The following AGAP1 variants were observed in gnomAD, a reference collection of about 807,000 sequenced individuals.
The protein encoded by AGAP1 is arf-GAP with GTPase, ANK repeat and PH domain-containing protein 1.
AGAP1 carries 29 observed loss-of-function variants against 105.3 expected under a neutral mutation model. The ratio of observed to expected loss-of-function variants is 0.28; its 90% CI spans 0.21 to 0.38. The LOEUF (loss-of-function observed/expected upper bound fraction) is 0.38, where lower values mean the gene tolerates loss of function less well. Ranked by LOEUF, AGAP1 falls within the 10% of genes least tolerant of loss-of-function variation. The pLI, the probability that AGAP1 is intolerant of heterozygous loss-of-function variation, is 1.00. For missense variants in AGAP1, 998 were observed against 1,165.1 expected (o/e 0.86, Z 2.09); for synonymous variants, 509 against 485.9 (o/e 1.05, Z -0.63).
chr2:236,044,817 G>A lies in AGAP1; in HGVS notation c.1891+3976G>A, dbSNP rs759653765. Among the ~76,000 whole-genome samples the A allele has an allele frequency of 4.7e-4, 72 of 152,202 alleles. No individual in the cohort carries two copies. The highest frequency in any genetic ancestry group is 6.8e-3 in the Middle Eastern group (2 of 292). On this transcript the variant is annotated intron_variant, in intron 15 of 17. Coordinates refer to ENST00000304032, the MANE Select transcript of AGAP1 (RefSeq NM_001037131.3). The surrounding 1 kb of genome is among the most constrained non-coding windows in gnomAD (Gnocchi z 5.7). The stretch of plus-strand genomic sequence containing the variant: ...CCTACTCCCTGCTGTTCTGCCCTGG[G>A]GGCTTCCTGGCTCTGGTGTATCCTA...
chr2:235,589,816 G>A (rs1945269239), intron 1 of AGAP1, among the ~76,000 whole-genome samples: 1 of 150,672 alleles, frequency 6.6e-6, no homozygotes. Context: ...AGAATTCAGA[G>A]CATCTAGAGA....
rs1307440222 is a variant in AGAP1, at chr2:235,623,806, T to G, written c.164-85373T>G. Among the ~76,000 whole-genome samples, 3 of 152,232 alleles carry G rather than the reference T, an allele frequency of 2.0e-5. No individual in the cohort carries two copies. Among genetic ancestry groups the G allele is most frequent in the Admixed American group, 6.5e-5 (1 of 15,288 alleles). On this transcript the variant is annotated intron_variant, in intron 1 of 17. Coordinates refer to ENST00000304032, the MANE Select transcript of AGAP1 (RefSeq NM_001037131.3). The surrounding 1 kb of genome is among the most constrained non-coding windows in gnomAD (Gnocchi z 4.5). ...TGAGTATTGTAGTTTTTTTCAATAT[T>G]TATGGAATGCTTAGTATTTGTAATG...
intron 13 of AGAP1, among the ~76,000 whole-genome samples, chr2:236,034,602 C>A (rs563014235): frequency 3.5e-4 from 53 of 152,254 alleles, no homozygotes; most frequent in African/African-American, 1.1e-3. Flanking sequence ...CAAAGGACAC[C>A]CCCATACCGT....
At chr2:235,606,947 A>G (rs1047993196) in intron 1 of AGAP1, among the ~76,000 whole-genome samples, 13 of 66,696 alleles carry the variant, frequency 1.9e-4, no homozygotes, top group African/African-American at 3.7e-4. Context: ...TGCCTCTTGA[A>G]AAAAAAAAAA....
At chr2:235,643,431 CAAAAAAAAAAAAAAAAAAAA>C (rs56146940) in intron 1 of AGAP1, among the ~76,000 whole-genome samples, 1 of 61,404 alleles carries the variant, frequency 1.6e-5, no homozygotes, top group Non-Finnish European at 2.8e-5. Context: ...GACTGGGTCT[CAAAAAAAAAAAAAAAAAAAA>C]AAAAAAAAAG....
rs1950206089 is a variant in AGAP1 at position 235,700,751 on chromosome 2, G to C, written c.164-8428G>C. ...GGAGGCATAGGTTGCAGTGAGCCAA[G>C]ATTGTGCCACTGCACTCCAGGCTGG... On this transcript the variant is annotated intron_variant, in intron 1 of 17. Transcript: ENST00000304032. This position sits in a 1 kb window ranked among gnomAD's most constrained non-coding sequence, Gnocchi z 6.1. 1.3e-5 allele frequency among the ~76,000 whole-genome samples: 2 copies of C among 151,808 alleles called. No homozygotes were observed. The highest frequency in any genetic ancestry group is 2.4e-5 in the African/African-American group (1 of 41,330).
rs949208302 is a variant in AGAP1 at position 236,082,893 on chromosome 2, C to T, written c.2114+33612C>T. Among the ~76,000 whole-genome samples the T allele has an allele frequency of 5.3e-5, 8 of 151,788 alleles. No homozygotes were observed. Among genetic ancestry groups the T allele is most frequent in the Non-Finnish European group, 1.0e-4 (7 of 67,980 alleles). Reference sequence around the variant, plus strand: ...TCCATCAGCCGGGCACAATGGCTCACGCCTGTAATCCCAGCACTCTGGGAG... The same window carrying T: ...TCCATCAGCCGGGCACAATGGCTCATGCCTGTAATCCCAGCACTCTGGGAG... On this transcript the variant is annotated intron_variant, in intron 16 of 17. Coordinates refer to ENST00000304032, the MANE Select transcript of AGAP1 (RefSeq NM_001037131.3). The surrounding 1 kb of genome is among the most constrained non-coding windows in gnomAD (Gnocchi z 4.2).
At position 235,807,149 on chromosome 2, in the gene AGAP1, T is replaced by TAAA. The variant is rs1434010586; in HGVS notation, c.958-90_958-89insAAA. 3.1e-6 allele frequency: 4 copies of TAAA among 1,304,662 alleles called. No individual in the cohort carries two copies. In the African/African-American group the frequency reaches 6.0e-5, roughly 20 times the overall value. The allele number at this position is 1,304,662 out of a possible 1,614,324, so 80.8% of individuals were successfully genotyped here. ...ATAGATCGCGCATGTTTTCTAAATG[T>TAAA]GTATTGGCAGGAATTCTGCAAACAG... is the stretch of plus-strand genomic sequence containing the variant. On this transcript the variant is annotated intron_variant, in intron 8 of 17. Coordinates refer to ENST00000304032, the MANE Select transcript of AGAP1 (RefSeq NM_001037131.3).
chr2:235,738,012 C>T (rs1326798283), intron 3 of AGAP1, among the ~76,000 whole-genome samples: 3 of 151,894 alleles, frequency 2.0e-5, no homozygotes, highest in Non-Finnish European at 2.9e-5. Flanking sequence ...ACTCAGCGTC[C>T]GGAGGGCACA....
intron 9 of AGAP1, among the ~76,000 whole-genome samples, chr2:235,870,441 A>G (rs371976200): frequency 6.6e-5 from 10 of 152,284 alleles, no homozygotes; most frequent in African/African-American, 2.4e-4. Context: ...AGCCTAGCCA[A>G]CATGGCGAAA....
chr2:235,851,454 G>A (rs2048450983), intron 9 of AGAP1, among the ~76,000 whole-genome samples: 1 of 152,240 alleles, frequency 6.6e-6, no homozygotes, highest in Admixed American at 6.5e-5. Flanking sequence ...AACGCACCAT[G>A]TGCCGCAGGC....
Position 235,623,258 on chromosome 2 carries a change from CTGCT to C in AGAP1, c.164-85918_164-85915del, listed in dbSNP as rs1946541812. ...TTATGCGTGTTCTGCAGGCTGACCT[CTGCT>C]TGTTGATCGTATTACAGCATGTTGG... is the stretch of plus-strand genomic sequence containing the variant. On this transcript the variant is annotated intron_variant, in intron 1 of 17. Transcript: ENST00000304032. This position sits in a 1 kb window ranked among gnomAD's most constrained non-coding sequence, Gnocchi z 4.5. Among the ~76,000 whole-genome samples the C allele has an allele frequency of 6.6e-6, 1 of 152,220 alleles. No individual in the cohort carries two copies. Among genetic ancestry groups the C allele is most frequent in the Non-Finnish European group, 1.5e-5 (1 of 68,048 alleles).
rs1194167421 is a variant in AGAP1 at position 235,655,195 on chromosome 2, A to G, written c.164-53984A>G. Among the ~76,000 whole-genome samples the G allele has an allele frequency of 6.6e-6, 1 of 152,170 alleles. No individual in the cohort carries two copies. The highest frequency in any genetic ancestry group is 1.5e-5 in the Non-Finnish European group (1 of 68,040). On this transcript the variant is annotated intron_variant, in intron 1 of 17. Transcript: ENST00000304032. This position sits in a 1 kb window ranked among gnomAD's most constrained non-coding sequence, Gnocchi z 4.3. ...TCATGCTGGAATTGAACATGGAATT[A>G]ATTAAATGTACAGAAGCTGGAAGGT... is the stretch of plus-strand genomic sequence containing the variant.
intron 1 of AGAP1, chr2:235,670,490 C>A (rs1328246682): frequency 2.0e-6 from 1 of 507,684 alleles, no homozygotes. Flanking sequence ...GGAGGAGGGA[C>A]GCGGCTCGCC....
At chr2:235,604,670 C>A (rs1396827813) in intron 1 of AGAP1, among the ~76,000 whole-genome samples, 2 of 144,902 alleles carry the variant, frequency 1.4e-5, no homozygotes, top group Non-Finnish European at 3.0e-5. Flanking sequence ...GCAAGCTCCA[C>A]CTCCCAGGTT....
intron 9 of AGAP1, among the ~76,000 whole-genome samples, chr2:235,870,415 T>C (rs2049379977): frequency 6.6e-6 from 1 of 152,066 alleles, no homozygotes; most frequent in African/African-American, 2.4e-5. Flanking sequence ...TCACCTCAGG[T>C]CAGGAGTTCA....
rs975574067 is a variant in AGAP1 at position 235,961,838 on chromosome 2, C to T, written c.1484-6624C>T. ...GAGCCGAGATCACGCCACTGCACTA[C>T]AGCCTGGTGACAGAGCAAGACTTCG... is the stretch of plus-strand genomic sequence containing the variant. On this transcript the variant is annotated intron_variant, in intron 12 of 17. Transcript: ENST00000304032. The surrounding 1 kb of genome is among the most constrained non-coding windows in gnomAD (Gnocchi z 5.9). Among the ~76,000 whole-genome samples the T allele has an allele frequency of 1.3e-5, 2 of 152,184 alleles. No homozygotes were observed. The highest frequency in any genetic ancestry group is 2.9e-5 in the Non-Finnish European group (2 of 68,024).
chr2:235,559,071 C>T lies in AGAP1; in HGVS notation c.163+64222C>T, dbSNP rs188374091. The stretch of plus-strand genomic sequence containing the variant: ...CTAGGTAGCTGAGACTACAGGCATG[C>T]GCCACTACACCCGACTAATATTTTG... On this transcript the variant is annotated intron_variant, in intron 1 of 17. Coordinates refer to ENST00000304032, the MANE Select transcript of AGAP1 (RefSeq NM_001037131.3). This position sits in a 1 kb window ranked among gnomAD's most constrained non-coding sequence, Gnocchi z 5.7. Among the ~76,000 whole-genome samples the T allele has an allele frequency of 6.6e-6, 1 of 152,054 alleles. No individual in the cohort carries two copies. The highest frequency in any genetic ancestry group is 1.5e-5 in the Non-Finnish European group (1 of 68,014).
intron 6 of AGAP1, among the ~76,000 whole-genome samples, chr2:235,755,457 T>G (rs1559441253): frequency 6.6e-6 from 1 of 152,112 alleles, no homozygotes; most frequent in African/African-American, 2.4e-5. Context: ...CCCCTTCCCT[T>G]TTTTCGAGGC....
Sources: allele counts gnomAD v4.1 joint callset (sites outside exome capture counted in the v4.1 genomes callset), GRCh38; gene constraint gnomAD v4.1.1; non-coding constraint Gnocchi (gnomAD v3.1); transcripts MANE v1.5; gene names NCBI Gene and HGNC (gene_info 2026-07-23, HGNC 2026-07-21).